DEPTOR: variants seen among roughly 807,000 people sequenced by gnomAD.
The protein encoded by DEPTOR is DEP domain-containing mTOR-interacting protein.
In DEPTOR, 41 loss-of-function variants were observed where a neutral mutation model predicts 41.6. The observed-to-expected ratio is 0.98, with a 90% CI of 0.77 to 1.28. The LOEUF is 1.28. Among genes scored for constraint, DEPTOR ranks in the 50% most tolerant of loss-of-function variants. DEPTOR has a pLI of 0.00. For synonymous variants in DEPTOR, 195 were observed against 192.3 expected, an observed-to-expected ratio of 1.01 and a Z score of -0.12; for missense variants, 514 against 527.9, an observed-to-expected ratio of 0.97 and a Z score of 0.26.
chr8:119,967,371 T>A (rs1208060210), intron 4 of DEPTOR, among the ~76,000 whole-genome samples: 2 of 151,352 alleles, frequency 1.3e-5, no homozygotes, highest in Non-Finnish European at 2.9e-5. Context: ...TGAGCCACCA[T>A]GCCCGGCTTG....
intron 3 of DEPTOR, among the ~76,000 whole-genome samples, chr8:119,946,024 G>T (rs1161402748): frequency 2.0e-5 from 3 of 152,156 alleles, no homozygotes; most frequent in Non-Finnish European, 2.9e-5. Flanking sequence ...GGTTGGTCGG[G>T]CGCTTTGTTG....
At chr8:119,929,497 C>T (rs1313411153) in intron 2 of DEPTOR, among the ~76,000 whole-genome samples, 1 of 152,020 alleles carries the variant, frequency 6.6e-6, no homozygotes, top group African/African-American at 2.4e-5. Flanking sequence ...CTGATGCATG[C>T]CCCAATATGC....
In DEPTOR at chr8:119,995,491, C is replaced by T. The variant is rs1044444075; in HGVS notation, c.605-6034C>T. Among the ~76,000 whole-genome samples the T allele has an allele frequency of 2.0e-5, 3 of 151,048 alleles. No individual in the cohort carries two copies. The Admixed American group carries it at 2.0e-4, about 10-fold the overall frequency. On this transcript the variant is annotated intron_variant, in intron 4 of 8. Coordinates refer to ENST00000286234, the MANE Select transcript of DEPTOR (RefSeq NM_022783.4). Reference sequence around the variant, plus strand: ...ATCCCAGCTACTTGGGGGACTAAGGCAGGAGAGTCACTTGAACCCAGGAGG... The same window carrying T: ...ATCCCAGCTACTTGGGGGACTAAGGTAGGAGAGTCACTTGAACCCAGGAGG...
chr8:119,986,317 A>G (rs984050818), intron 4 of DEPTOR, among the ~76,000 whole-genome samples: 1 of 152,124 alleles, frequency 6.6e-6, no homozygotes, highest in African/African-American at 2.4e-5. Context: ...GAAATTCTGG[A>G]TTGAAAATTC....
intron 1 of DEPTOR, among the ~76,000 whole-genome samples, chr8:119,887,864 G>A (rs145616171): frequency 8.4e-4 from 128 of 151,664 alleles, no homozygotes; most frequent in Middle Eastern, 3.4e-3. Flanking sequence ...TCTGTCACCC[G>A]GGCTGGAGTG....
chr8:119,976,140 G>T (rs1447459807), intron 4 of DEPTOR, among the ~76,000 whole-genome samples: 1 of 151,804 alleles, frequency 6.6e-6, no homozygotes, highest in Admixed American at 6.6e-5. Flanking sequence ...GGGATTGCAG[G>T]CATGAGCCAC....
chr8:120,029,310 CCTT>C (rs1166234731), intron 8 of DEPTOR, among the ~76,000 whole-genome samples: 3 of 152,096 alleles, frequency 2.0e-5, no homozygotes, highest in Non-Finnish European at 4.4e-5. Flanking sequence ...AGGAAAATAT[CCTT>C]CATACTATCC....
intron 1 of DEPTOR, among the ~76,000 whole-genome samples, chr8:119,907,257 T>C (rs1203378302): frequency 2.0e-5 from 3 of 152,140 alleles, no homozygotes; most frequent in Non-Finnish European, 2.9e-5. Flanking sequence ...TAACATTGTA[T>C]TACAGATTAA....
At chr8:119,900,905 C>T (rs1044629697) in intron 1 of DEPTOR, among the ~76,000 whole-genome samples, 1 of 152,176 alleles carries the variant, frequency 6.6e-6, no homozygotes, top group African/African-American at 2.4e-5. Context: ...GCAACTCCCA[C>T]AGCATCTTCA....
Position 119,909,468 on chromosome 8 carries a change from C to T in DEPTOR, c.123-18932C>T, listed in dbSNP as rs116776202. Among the ~76,000 whole-genome samples, 353 of 152,304 alleles carry T rather than the reference C, an allele frequency of 2.3e-3. 1 individual carries two copies. The highest frequency in any genetic ancestry group is 7.9e-3 in the African/African-American group (330 of 41,570). On this transcript the variant is annotated intron_variant, in intron 1 of 8. Transcript: ENST00000286234. The stretch of plus-strand genomic sequence containing the variant: ...GTTAAATTTTCTGTCTTTATATAGG[C>T]ATCAGCAGGGTTTGAACACCTGCCT...
At chr8:119,945,759 T>C (rs1828263166) in intron 3 of DEPTOR, among the ~76,000 whole-genome samples, 1 of 152,186 alleles carries the variant, frequency 6.6e-6, no homozygotes, top group Non-Finnish European at 1.5e-5. Context: ...GAAATCCCTC[T>C]TGTTTATTTT....
chr8:119,913,085 T>G (rs961090504), intron 1 of DEPTOR, among the ~76,000 whole-genome samples: 1 of 152,076 alleles, frequency 6.6e-6, no homozygotes, highest in African/African-American at 2.4e-5. Flanking sequence ...CACACCCAGT[T>G]AATTTTTGTA....
At chr8:120,035,298 A>G (rs145778865) in intron 8 of DEPTOR, among the ~76,000 whole-genome samples, 2 of 150,944 alleles carry the variant, frequency 1.3e-5, no homozygotes, top group Non-Finnish European at 2.9e-5. Context: ...CCAGCCTGTG[A>G]GACAGAGTGA....
intron 8 of DEPTOR, among the ~76,000 whole-genome samples, chr8:120,015,455 A>C (rs4871720): frequency 1.3e-5 from 2 of 152,026 alleles, no homozygotes; most frequent in African/African-American, 4.8e-5. Flanking sequence ...GGGAAGTCCA[A>C]GATGAAGGTG....
chr8:119,937,813 GA>G (rs1563970677), intron 3 of DEPTOR, among the ~76,000 whole-genome samples: 1 of 152,178 alleles, frequency 6.6e-6, no homozygotes, highest in Non-Finnish European at 1.5e-5. Flanking sequence ...ACAGCACAGT[GA>G]GGGGCAAGTG....
At chr8:120,044,583 G>C (rs763283277) in intron 8 of DEPTOR, among the ~76,000 whole-genome samples, 2 of 152,158 alleles carry the variant, frequency 1.3e-5, no homozygotes, top group East Asian at 3.9e-4. Flanking sequence ...CTGTGAATAG[G>C]GGGAGGGCAG....
intron 8 of DEPTOR, among the ~76,000 whole-genome samples, chr8:120,011,120 G>A (rs1812526083): frequency 6.6e-6 from 1 of 152,200 alleles, no homozygotes; most frequent in Non-Finnish European, 1.5e-5. Context: ...TCCAGCATGA[G>A]CTCTCTGGCA....
intron 3 of DEPTOR, among the ~76,000 whole-genome samples, chr8:119,933,648 G>A (rs1828074016): frequency 6.6e-6 from 1 of 152,218 alleles, no homozygotes; most frequent in South Asian, 2.1e-4. Flanking sequence ...TAATTTATAT[G>A]TGATGTTGAC....
chr8:119,935,278 T>C (rs764886401), intron 3 of DEPTOR, among the ~76,000 whole-genome samples: 2 of 152,214 alleles, frequency 1.3e-5, no homozygotes, highest in Non-Finnish European at 2.9e-5. Flanking sequence ...GTACAATTTT[T>C]ACTTCTCAAA....
Sources: allele counts gnomAD v4.1 joint callset (sites outside exome capture counted in the v4.1 genomes callset), GRCh38; gene constraint gnomAD v4.1.1; transcripts MANE v1.5; gene names NCBI Gene and HGNC (gene_info 2026-07-23, HGNC 2026-07-21).